Variants in LIPC observed in about 807,000 individuals in gnomAD.
LIPC encodes the protein lipase C, hepatic type.
LIPC carries 44 observed loss-of-function variants against 50.7 expected under a neutral mutation model. The ratio of observed to expected loss-of-function variants is 0.87; its 90% CI spans 0.68 to 1.11. The LOEUF is 1.11. Ranked by LOEUF, LIPC falls within the 50% of genes most tolerant of loss-of-function variation. The pLI is 0.00. For synonymous variants in LIPC, 271 were observed against 256.4 expected, an observed-to-expected ratio of 1.06 and a Z score of -0.54; for missense variants, 697 against 648.2, an observed-to-expected ratio of 1.08 and a Z score of -0.82.
At chr15:58,457,839 A>T (rs1361090258) in intron 1 of LIPC, among the ~76,000 whole-genome samples, 1 of 152,168 alleles carries the variant, frequency 6.6e-6, no homozygotes, top group African/African-American at 2.4e-5. Flanking sequence ...GATTCACACA[A>T]TTCCTTTTCC....
intron 1 of LIPC, among the ~76,000 whole-genome samples, chr15:58,463,308 T>A (rs1894422014): frequency 6.6e-6 from 1 of 152,188 alleles, no homozygotes; most frequent in South Asian, 2.1e-4. Flanking sequence ...GCAGTCTAGG[T>A]TCTAGCTTCA....
intron 1 of LIPC, among the ~76,000 whole-genome samples, chr15:58,530,250 A>C (rs1339799051): frequency 1.3e-5 from 2 of 152,180 alleles, no homozygotes; most frequent in African/African-American, 4.8e-5. Flanking sequence ...CTCCGGCCTG[A>C]AGGAATCAGG....
Position 58,456,615 on chromosome 15 carries a change from C to G in LIPC, c.88+24495C>G, listed in dbSNP as rs1339303086. ...GAGGACTGCAGGAGCACATGGGTAGCCAATGCTAAGGCCTCCTGCCCCCAT... is the reference window on the plus strand; with the variant it reads ...GAGGACTGCAGGAGCACATGGGTAGGCAATGCTAAGGCCTCCTGCCCCCAT... On this transcript the variant is annotated intron_variant, in intron 1 of 8. Coordinates refer to ENST00000299022, the MANE Select transcript of LIPC (RefSeq NM_000236.3). 4.6e-5 allele frequency among the ~76,000 whole-genome samples: 7 copies of G among 152,216 alleles called. No individual in the cohort carries two copies. In the East Asian group the frequency reaches 1.3e-3, roughly 29 times the overall value.
intron 1 of LIPC, among the ~76,000 whole-genome samples, chr15:58,528,427 G>T (rs1310984761): frequency 6.6e-6 from 1 of 152,202 alleles, no homozygotes; most frequent in Non-Finnish European, 1.5e-5. Context: ...GAGACACAGA[G>T]AGGTTAAATA....
At chr15:58,518,358 AAGTT>A (rs1294710275) in intron 1 of LIPC, among the ~76,000 whole-genome samples, 6 of 152,162 alleles carry the variant, frequency 3.9e-5, no homozygotes, top group Non-Finnish European at 8.8e-5. Context: ...AGTGGTGATT[AAGTT>A]AGTTCTGTGA....
intron 1 of LIPC, among the ~76,000 whole-genome samples, chr15:58,476,714 G>A (rs1891011684): frequency 6.6e-6 from 1 of 152,224 alleles, no homozygotes; most frequent in African/African-American, 2.4e-5. Flanking sequence ...TGCTAGCTCT[G>A]GGACATCTTG....
chr15:58,524,326 A>G (rs1892740342), intron 1 of LIPC, among the ~76,000 whole-genome samples: 1 of 152,254 alleles, frequency 6.6e-6, no homozygotes, highest in Non-Finnish European at 1.5e-5. Context: ...GTCCCCGTTC[A>G]GTTATCTAGA....
At chr15:58,471,862 C>A (rs1211949388) in intron 1 of LIPC, among the ~76,000 whole-genome samples, 1 of 152,200 alleles carries the variant, frequency 6.6e-6, no homozygotes, top group African/African-American at 2.4e-5. Flanking sequence ...CCTTTCCCAC[C>A]CCTCTCAATG....
intron 1 of LIPC, among the ~76,000 whole-genome samples, chr15:58,463,336 G>A (rs1057453266): frequency 1.3e-4 from 20 of 152,182 alleles, no homozygotes; most frequent in Admixed American, 8.5e-4. Flanking sequence ...CTGGGGCCTC[G>A]GGAAAAGGGC....
rs1392440053 is a variant in LIPC at position 58,516,404 on chromosome 15, T to C, written c.89-21929T>C. Among the ~76,000 whole-genome samples the C allele has an allele frequency of 2.6e-5, 4 of 152,122 alleles. No individual in the cohort carries two copies. In the East Asian group the frequency reaches 7.7e-4, roughly 29 times the overall value. ...CGTAGATATTTTTCCACCATTATTA[T>C]TTCTTTAAGCATTTCTTCTGTCCCC... On this transcript the variant is annotated intron_variant, in intron 1 of 8. Coordinates refer to ENST00000299022, the MANE Select transcript of LIPC (RefSeq NM_000236.3).
intron 1 of LIPC, among the ~76,000 whole-genome samples, chr15:58,454,013 G>T (rs1414382375): frequency 6.6e-6 from 1 of 152,210 alleles, no homozygotes; most frequent in African/African-American, 2.4e-5. Flanking sequence ...ACCCCACAGT[G>T]ATTCTGTGAG....
chr15:58,545,417 T>C (rs1488281883), intron 4 of LIPC, among the ~76,000 whole-genome samples: 2 of 152,164 alleles, frequency 1.3e-5, no homozygotes, highest in African/African-American at 4.8e-5. Flanking sequence ...TTTTGTATTC[T>C]TTTTTATTTT....
chr15:58,548,465 G>C lies in LIPC; in HGVS notation c.944G>C (p.Ser315Thr). Reference protein sequence around the residue: ...MNSFSQGLCLSCKKGRCNTLG... With the variant: ...MNSFSQGLCLTCKKGRCNTLG... ...AGCTTCAGCCAGGGCCTGTGCCTGA[G>C]CTGCAAGAAGGGCCGCTGCAACACG... Residue 315 changes from serine (S) to threonine (T), a missense_variant, in exon 6 of 9, where the codon AGC (serine) becomes ACC (threonine). Coordinates refer to ENST00000299022, the MANE Select transcript of LIPC (RefSeq NM_000236.3). The C allele has an allele frequency of 1.9e-6, 3 of 1,613,120 alleles. No individual in the cohort carries two copies. Among genetic ancestry groups the C allele is most frequent in the African/African-American group, 1.3e-5 (1 of 75,044 alleles).
intron 6 of LIPC, among the ~76,000 whole-genome samples, chr15:58,551,977 C>T (rs1893778034): frequency 6.6e-6 from 1 of 152,228 alleles, no homozygotes; most frequent in South Asian, 2.1e-4. Flanking sequence ...AATTGGGAAA[C>T]AGTCGCCGAG....
At chr15:58,484,447 C>G (rs1891295767) in intron 1 of LIPC, among the ~76,000 whole-genome samples, 2 of 152,226 alleles carry the variant, frequency 1.3e-5, no homozygotes, top group Non-Finnish European at 2.9e-5. Flanking sequence ...AGAGACAACT[C>G]TTTTTATTTA....
chr15:58,445,142 T>A (rs473224), intron 1 of LIPC, among the ~76,000 whole-genome samples: 4 of 152,134 alleles, frequency 2.6e-5, no homozygotes, highest in African/African-American at 4.8e-5. Flanking sequence ...AGAGGCATCC[T>A]CCCTCTTCAA....
rs79629411 is a variant in LIPC, at chr15:58,569,094, C to G, written c.*267C>G. 7.6e-6 allele frequency: 2 copies of G among 264,592 alleles called. No individual in the cohort carries two copies. The highest frequency in any genetic ancestry group is 1.4e-5 in the Non-Finnish European group (2 of 140,708). The allele number at this position is 264,592 out of a possible 1,614,324, so 16.4% of individuals were successfully genotyped here. On this transcript the variant is annotated 3_prime_UTR_variant, in exon 9 of 9. Transcript: ENST00000299022. ...ATGCAAATAAGTACAAATGCAAGAG[C>G]CATTTTAGATCTGTTGTTCTAATTT...
intron 5 of LIPC, among the ~76,000 whole-genome samples, chr15:58,547,371 G>T (rs1014089481): frequency 4.6e-5 from 7 of 152,188 alleles, no homozygotes; most frequent in Admixed American, 3.3e-4. Flanking sequence ...TCAAGGAGCT[G>T]CAGTGAAGAT....
intron 1 of LIPC, among the ~76,000 whole-genome samples, chr15:58,537,278 G>A (rs1443400251): frequency 2.0e-5 from 3 of 152,170 alleles, no homozygotes; most frequent in African/African-American, 4.8e-5. Context: ...GACAGCTGTC[G>A]GGCTGCCTGG....
Sources: allele counts gnomAD v4.1 joint callset (sites outside exome capture counted in the v4.1 genomes callset), GRCh38; gene constraint gnomAD v4.1.1; transcripts MANE v1.5; gene names NCBI Gene and HGNC (gene_info 2026-07-23, HGNC 2026-07-21).